The following DGKB variants were observed in gnomAD, a reference collection of about 807,000 sequenced individuals.
The protein encoded by DGKB is 90 kDa diacylglycerol kinase.
DGKB carries 67 observed loss-of-function variants against 114.3 expected under a neutral mutation model. The ratio of observed to expected loss-of-function variants is 0.59; its 90% CI spans 0.48 to 0.72. The LOEUF is 0.72. Among genes scored for constraint, DGKB ranks in the 30% least tolerant of loss-of-function variants. The pLI is 0.00. For missense variants in DGKB, 907 were observed against 975.2 expected, an observed-to-expected ratio of 0.93 and a Z score of 0.93; for synonymous variants, 398 against 323.1, an observed-to-expected ratio of 1.23 and a Z score of -2.49.
chr7:14,236,798 A>C (rs1792858008), intron 23 of DGKB, among the ~76,000 whole-genome samples: 1 of 151,964 alleles, frequency 6.6e-6, no homozygotes, highest in Non-Finnish European at 1.5e-5. Context: ...CACACATCTC[A>C]CAAGAATTGA....
intron 2 of DGKB, among the ~76,000 whole-genome samples, chr7:14,824,722 T>C (rs898553434): frequency 6.6e-6 from 1 of 152,004 alleles, no homozygotes; most frequent in Non-Finnish European, 1.5e-5. Flanking sequence ...TTTATGTACA[T>C]TTACCCTTTT....
intron 20 of DGKB, among the ~76,000 whole-genome samples, chr7:14,566,449 A>C: frequency 6.6e-6 from 1 of 152,282 alleles, no homozygotes; most frequent in South Asian, 2.1e-4. Flanking sequence ...ATATTTATAG[A>C]TTTTAGGTAG....
At chr7:14,541,388 G>C (rs1282340800) in intron 20 of DGKB, among the ~76,000 whole-genome samples, 1 of 152,140 alleles carries the variant, frequency 6.6e-6, no homozygotes, top group Non-Finnish European at 1.5e-5. Flanking sequence ...AAGTGGTTTT[G>C]TAGTTGATAC....
chr7:14,267,467 T>TC (rs1240028977), intron 23 of DGKB, among the ~76,000 whole-genome samples: 15 of 131,530 alleles, frequency 1.1e-4, no homozygotes, highest in African/African-American at 1.4e-4. Flanking sequence ...AATAAGTGCT[T>TC]ATTTTTTTTT....
chr7:14,932,035 G>C (rs1033989041), intron 1 of DGKB, among the ~76,000 whole-genome samples: 7 of 152,256 alleles, frequency 4.6e-5, no homozygotes, highest in Middle Eastern at 3.4e-3. Flanking sequence ...CCAAGAGTTA[G>C]GATTGAAAAT....
At chr7:14,471,215 T>C (rs369255125) in intron 21 of DGKB, among the ~76,000 whole-genome samples, 9 of 125,770 alleles carry the variant, frequency 7.2e-5, no homozygotes, top group East Asian at 5.2e-4. Flanking sequence ...TATGTATATA[T>C]ACATATATAT....
intron 4 of DGKB, among the ~76,000 whole-genome samples, chr7:14,751,067 C>A (rs192720536): frequency 1.3e-5 from 2 of 152,080 alleles, no homozygotes; most frequent in Admixed American, 6.5e-5. Flanking sequence ...CCCACGTTGG[C>A]CTCCCAAAGT....
intron 13 of DGKB, among the ~76,000 whole-genome samples, chr7:14,637,695 C>T (rs1811006906): frequency 6.6e-6 from 1 of 151,652 alleles, no homozygotes; most frequent in South Asian, 2.1e-4. Context: ...ACACTAAACT[C>T]ATCTTGGTGG....
At chr7:14,903,626 T>A (rs1783465763), upstream of DGKB, among the ~76,000 whole-genome samples, 1 of 152,186 alleles carries the variant, frequency 6.6e-6, no homozygotes, top group Admixed American at 6.5e-5. Flanking sequence ...TCTTGCTGCA[T>A]TCCGGCTTGG....
chr7:14,232,666 A>C (rs1226936573), intron 23 of DGKB, among the ~76,000 whole-genome samples: 1 of 152,194 alleles, frequency 6.6e-6, no homozygotes, highest in South Asian at 2.1e-4. Flanking sequence ...AAGCAAAAAA[A>C]CTAACTTTTT....
At chr7:14,869,464 A>G in intron 1 of DGKB, among the ~76,000 whole-genome samples, 1 of 152,308 alleles carries the variant, frequency 6.6e-6, no homozygotes, top group Non-Finnish European at 1.5e-5. Context: ...ATTAAGAAAC[A>G]TTCTTTGTAT....
intron 23 of DGKB, among the ~76,000 whole-genome samples, chr7:14,197,361 T>C (rs1304645593): frequency 2.6e-5 from 4 of 151,854 alleles, no homozygotes; most frequent in African/African-American, 7.3e-5. Context: ...CAAAAGCAGT[T>C]CTATGAAAGA....
chr7:14,444,433 A>G (rs556476025), intron 21 of DGKB, among the ~76,000 whole-genome samples: 2 of 151,796 alleles, frequency 1.3e-5, no homozygotes, highest in African/African-American at 2.4e-5. Context: ...GAAACATTAT[A>G]TAATAGTTGA....
intron 21 of DGKB, among the ~76,000 whole-genome samples, chr7:14,466,672 G>T (rs951647827): frequency 4.6e-5 from 7 of 151,158 alleles, no homozygotes; most frequent in Non-Finnish European, 1.5e-5. Context: ...ACAAAAATTA[G>T]CTGGGCATGG....
chr7:14,163,350 C>G (rs1233535837), intron 25 of DGKB, among the ~76,000 whole-genome samples: 1 of 152,000 alleles, frequency 6.6e-6, no homozygotes, highest in African/African-American at 2.4e-5. Context: ...TTACAAAAAA[C>G]AACAATTGTT....
intron 1 of DGKB, among the ~76,000 whole-genome samples, chr7:14,900,093 A>T (rs943900501): frequency 6.6e-6 from 1 of 152,154 alleles, no homozygotes; most frequent in Non-Finnish European, 1.5e-5. Flanking sequence ...CACTCAAAAT[A>T]ACTGCCCACT....
intron 21 of DGKB, among the ~76,000 whole-genome samples, chr7:14,418,193 A>G (rs1023717514): frequency 1.5e-5 from 2 of 137,126 alleles, no homozygotes; most frequent in Non-Finnish European, 3.1e-5. Flanking sequence ...AAATATAAAA[A>G]ATTTTATATT....
At chr7:14,357,654 T>G (rs1349188452) in intron 21 of DGKB, among the ~76,000 whole-genome samples, 1 of 152,196 alleles carries the variant, frequency 6.6e-6, no homozygotes, top group African/African-American at 2.4e-5. Context: ...GTTAGCTGGT[T>G]ATTTTGCCCG....
At chr7:14,385,094 G>A (rs1054162132) in intron 21 of DGKB, among the ~76,000 whole-genome samples, 4 of 151,932 alleles carry the variant, frequency 2.6e-5, no homozygotes, top group Non-Finnish European at 5.9e-5. Context: ...TTTATTCTCC[G>A]AATGAAAACA....
Sources: gnomAD v4.1 joint callset for allele counts (sites outside exome capture counted in the v4.1 genomes callset) on GRCh38, gnomAD v4.1.1 for gene constraint, MANE v1.5 for transcripts, NCBI Gene and HGNC (gene_info 2026-07-23, HGNC 2026-07-21) for gene names.